The following G6PC1 variants were observed in gnomAD, a reference collection of about 807,000 sequenced individuals.
G6PC1 encodes glucose-6-phosphatase catalytic subunit 1, also known as G-6-Pase.
Under a neutral mutation model 30.4 loss-of-function variants are expected in G6PC1, and 23 were observed. The ratio of observed to expected loss-of-function variants is 0.76; its 90% CI spans 0.55 to 1.07. The LOEUF (loss-of-function observed/expected upper bound fraction) is 1.07, where lower values mean the gene tolerates loss of function less well. G6PC1 is among the 50% of genes least tolerant of loss of function. The pLI, the probability that G6PC1 is intolerant of heterozygous loss-of-function variation, is 0.00. For missense variants in G6PC1, 391 were observed against 433.9 expected (o/e 0.90, Z 0.88); for synonymous variants, 163 against 175.6 (o/e 0.93, Z 0.57).
At chr17:42,901,255 C>T in intron 1 of G6PC1, 149 bp downstream of exon 1, 1 of 738,428 alleles carries the variant, frequency 1.4e-6, no homozygotes, top group Non-Finnish European at 2.4e-6. Context: ...TTTGGATCAT[C>T]TACATAAAGG....
Position 42,907,624 on chromosome 17 carries a change from T to A in G6PC1, c.442T>A (p.Phe148Ile). 6.2e-7 allele frequency: 1 copy of A among 1,611,504 alleles called. No homozygotes were observed. The highest frequency in any genetic ancestry group is 1.3e-5 in the African/African-American group (1 of 74,964). ...FQGKIKPTYRFRCLNVILWLG... is the reference protein window; with the variant it reads ...FQGKIKPTYRIRCLNVILWLG... ...GGGAAAGATAAAGCCGACCTACAGA[T>A]TTCGGTAAGAACTCACCACTGGGGT... Residue 148 changes from phenylalanine (F) to isoleucine (I), a missense_variant, in exon 3 of 5, where the codon TTT (phenylalanine) becomes ATT (isoleucine). Phe to Ile is a conservative substitution (Grantham distance 21). Coordinates refer to ENST00000253801, the MANE Select transcript of G6PC1 (RefSeq NM_000151.4).
Position 42,911,562 on chromosome 17 carries a change from G to A in G6PC1, c.*136G>A. 7.3e-7 allele frequency: 1 copy of A among 1,365,588 alleles called. No homozygotes were observed. 84.6% of individuals were successfully genotyped at this position (1,365,588 alleles called of 1,614,324 possible). ...TCTGCCGTCGTGGAATTAAATCACG[G>A]ATGGCAGATTGGAGGGTCGCCTGGC... On this transcript the variant is annotated 3_prime_UTR_variant, in exon 5 of 5. Coordinates refer to ENST00000253801, the MANE Select transcript of G6PC1 (RefSeq NM_000151.4).
intron 2 of G6PC1, among the ~76,000 whole-genome samples, chr17:42,906,046 GAAA>G (rs574024936): frequency 7.7e-6 from 1 of 130,050 alleles, no homozygotes; most frequent in Admixed American, 8.1e-5. Flanking sequence ...ATTCTGTCAG[GAAA>G]AAAAAAAAAA....
In G6PC1 at chr17:42,901,025, G is replaced by A; in HGVS notation, c.149G>A (p.Trp50Ter). The A allele has an allele frequency of 1.2e-6, 2 of 1,614,146 alleles. No individual in the cohort carries two copies. The highest frequency in any genetic ancestry group is 2.2e-5 in the East Asian group (1 of 44,882). ...GCCTTCTACGTCCTCTTCCCCATCT[G>A]GTTCCATCTTCAGGAAGCTGTGGGC... ...RNAFYVLFPI[W>*]FHLQEAVGIK... Residue 50 changes from tryptophan (W) to a stop codon, truncating the protein, a stop_gained, in exon 1 of 5, where the codon TGG becomes TAG. Coordinates refer to ENST00000253801, the MANE Select transcript of G6PC1 (RefSeq NM_000151.4). LOFTEE classifies it high-confidence loss of function.
rs747830634 is a variant in G6PC1 at position 42,907,648 on chromosome 17, G to A, written c.446+20G>A. 19 of 1,531,730 alleles carry A rather than the reference G, an allele frequency of 1.2e-5. No homozygotes were observed. The highest frequency in any genetic ancestry group is 5.6e-5 in the South Asian group (5 of 89,098). 94.9% of individuals were successfully genotyped at this position (1,531,730 alleles called of 1,614,324 possible). ...ATTTCGGTAAGAACTCACCACTGGG[G>A]TGTAGGTGGTGGAGGGCAGGAGGCA... On this transcript the variant is annotated intron_variant, in intron 3 of 4. Coordinates refer to ENST00000253801, the MANE Select transcript of G6PC1 (RefSeq NM_000151.4).
At position 42,911,387 on chromosome 17, in the gene G6PC1, C is replaced by T. The variant is rs750975981; in HGVS notation, c.1035C>T (p.Leu345=). The change falls in exon 5 of 5, where the codon CTC becomes CTT. Residue 345 remains leucine (L), a synonymous_variant. Transcript: ENST00000253801. ...CCGTCAGTGTCATCCCCTACTGCCT[C>T]GCCCAGGTCCTGGGCCAGCCGCACA... ...LASVSVIPYC[L]AQVLGQPHKK... The T allele has an allele frequency of 2.0e-5, 33 of 1,614,050 alleles. No individual in the cohort carries two copies. The highest frequency in any genetic ancestry group is 4.5e-5 in the East Asian group (2 of 44,902).
intron 2 of G6PC1, 147 bp downstream of exon 2, chr17:42,904,187 A>G: frequency 4.2e-6 from 3 of 706,466 alleles, no homozygotes; most frequent in Non-Finnish European, 7.8e-6. Flanking sequence ...TCACTTCTGC[A>G]ATACTTTCCT....
At position 42,911,685 on chromosome 17, in the gene G6PC1, T is replaced by C; in HGVS notation, c.*259T>C. The C allele has an allele frequency of 1.9e-6, 1 of 532,810 alleles. No individual in the cohort carries two copies. The highest frequency in any genetic ancestry group is 3.4e-6 in the Non-Finnish European group (1 of 294,888). 33.0% of individuals were successfully genotyped at this position (532,810 alleles called of 1,614,324 possible). On this transcript the variant is annotated 3_prime_UTR_variant, in exon 5 of 5. Coordinates refer to ENST00000253801, the MANE Select transcript of G6PC1 (RefSeq NM_000151.4). ...CATATGCAAGTTTCCCGCCAGGAGGTCCTCCTCTCTCTACTTGAATACTCT... is the reference window on the plus strand; with the variant it reads ...CATATGCAAGTTTCCCGCCAGGAGGCCCTCCTCTCTCTACTTGAATACTCT...
In G6PC1 at chr17:42,912,382, G is replaced by A; in HGVS notation, c.*956G>A. 6.6e-6 allele frequency: 1 copy of A among 152,562 alleles called. No homozygotes were observed. The allele number at this position is 152,562 out of a possible 1,614,324, so 9.5% of individuals were successfully genotyped here. ...TCATCCTCCTTATAAGCCCAGCTCT[G>A]CTTTTTCCAGATTCTTCCACTGGCT... On this transcript the variant is annotated 3_prime_UTR_variant, in exon 5 of 5. Transcript: ENST00000253801.
intron 1 of G6PC1, among the ~76,000 whole-genome samples, chr17:42,901,928 A>G (rs1273296392): frequency 1.3e-5 from 2 of 152,210 alleles, no homozygotes; most frequent in Non-Finnish European, 2.9e-5. Context: ...AATAATAATC[A>G]GGGTTAACAT....
chr17:42,904,482 T>A (rs1013355481), intron 2 of G6PC1, among the ~76,000 whole-genome samples: 1 of 152,178 alleles, frequency 6.6e-6, no homozygotes, highest in Non-Finnish European at 1.5e-5. Context: ...AGATTTCATT[T>A]TCAGTATGTA....
Position 42,911,040 on chromosome 17 carries a change from C to G in G6PC1, c.688C>G (p.Leu230Val), listed in dbSNP as rs1299507444. 3.1e-6 allele frequency: 5 copies of G among 1,614,192 alleles called. No homozygotes were observed. Among genetic ancestry groups the G allele is most frequent in the Non-Finnish European group, 4.2e-6 (5 of 1,180,034 alleles). ...CGGATTTTATCTGCTGCTCAAGGGA[C>G]TGGGTGTAGACCTCCTGTGGACTCT... Reference protein sequence around the residue: ...AIGFYLLLKGLGVDLLWTLEK... With the variant: ...AIGFYLLLKGVGVDLLWTLEK... Residue 230 changes from leucine to valine, a missense_variant, in exon 5 of 5, where the codon CTG becomes GTG. Physicochemically the swap from Leu to Val is conservative, Grantham distance 32 (BLOSUM62 1). Transcript: ENST00000253801.
In G6PC1 at chr17:42,913,254, A is replaced by G. The variant is rs1420115005; in HGVS notation, c.*1828A>G. 2.0e-5 allele frequency: 3 copies of G among 152,228 alleles called. No homozygotes were observed. Among genetic ancestry groups the G allele is most frequent in the Non-Finnish European group, 4.4e-5 (3 of 68,040 alleles). 9.4% of individuals were successfully genotyped at this position (152,228 alleles called of 1,614,324 possible). ...CCATACATTATCATTCAAAACAACCATCCTGCTCATAACATCTTTGAAAAG... is the reference window on the plus strand; with the variant it reads ...CCATACATTATCATTCAAAACAACCGTCCTGCTCATAACATCTTTGAAAAG... On this transcript the variant is annotated 3_prime_UTR_variant, in exon 5 of 5. Transcript: ENST00000253801.
rs149486847 is a variant in G6PC1 at position 42,911,344 on chromosome 17, C to T, written c.992C>T (p.Ala331Val). 514 of 1,614,182 alleles carry T rather than the reference C, an allele frequency of 3.2e-4. 8 individuals are homozygous for T. Among genetic ancestry groups the T allele is most frequent in the Middle Eastern group, 2.8e-3 (17 of 6,062 alleles). ...VFYVLSFCKS[A>V]VVPLASVSVI... ...TACGTCTTGTCCTTCTGCAAGAGTG[C>T]GGTAGTGCCCCTGGCATCCGTCAGT... The change falls in exon 5 of 5, where the codon GCG becomes GTG. Residue 331 changes from alanine to valine, a missense_variant. Transcript: ENST00000253801.
intron 3 of G6PC1, among the ~76,000 whole-genome samples, chr17:42,908,408 A>ATTT (rs549810511): frequency 7.6e-4 from 101 of 133,600 alleles, no homozygotes; most frequent in South Asian, 1.9e-3. Context: ...TGCCACAGGC[A>ATTT]TTTTTTTTTT....
At chr17:42,909,270 T>A in intron 3 of G6PC1, 33 bp from the exon 4 acceptor site, 4 of 1,474,258 alleles carry the variant, frequency 2.7e-6, no homozygotes, top group Non-Finnish European at 3.8e-6. Context: ...GATCTGCACC[T>A]GTGTTCTGTT....
rs202190197 is a variant in G6PC1, at chr17:42,901,008, C to T, written c.132C>T (p.Tyr44=). ...TCGCAGACCTCAGGAATGCCTTCTACGTCCTCTTCCCCATCTGGTTCCATC... is the reference window on the plus strand; with the variant it reads ...TCGCAGACCTCAGGAATGCCTTCTATGTCCTCTTCCCCATCTGGTTCCATC... ...SVIADLRNAF[Y]VLFPIWFHLQ... Residue 44 remains tyrosine (Y), a synonymous_variant, in exon 1 of 5, where the codon TAC becomes TAT. Transcript: ENST00000253801. 5.0e-4 allele frequency: 815 copies of T among 1,614,180 alleles called. 12 individuals are homozygous for T. In the South Asian group the frequency reaches 7.1e-3, roughly 14 times the overall value.
intron 1 of G6PC1, 127 bp from the exon 2 acceptor site, chr17:42,903,804 C>A: frequency 1.4e-6 from 1 of 727,026 alleles, no homozygotes; most frequent in Non-Finnish European, 2.5e-6. Context: ...TTCTCCCCAG[C>A]CACCCAGTTC....
At chr17:42,904,070 C>A in intron 2 of G6PC1, 30 bp downstream of exon 2, 1 of 1,407,410 alleles carries the variant, frequency 7.1e-7, no homozygotes, top group Non-Finnish European at 1.0e-6. Flanking sequence ...CAGACAGAAG[C>A]TGAGTGGACC....
Sources: gnomAD v4.1 joint callset for allele counts (sites outside exome capture counted in the v4.1 genomes callset) on GRCh38, gnomAD v4.1.1 for gene constraint, MANE v1.5 for transcripts, NCBI Gene and HGNC (gene_info 2026-07-23, HGNC 2026-07-21) for gene names.